The following HMBOX1 variants were observed in gnomAD, a reference collection of about 807,000 sequenced individuals.
HMBOX1 encodes homeobox containing 1.
In HMBOX1, 14 loss-of-function variants were observed where a neutral mutation model predicts 54.5. The ratio of observed to expected loss-of-function variants is 0.26; its 90% CI spans 0.17 to 0.40. HMBOX1 has a LOEUF of 0.40. HMBOX1 is among the 10% of genes least tolerant of loss of function. HMBOX1 has a pLI of 1.00. For synonymous variants in HMBOX1, 160 were observed against 181.0 expected (o/e 0.88, Z 0.93); for missense variants, 332 against 514.4 (o/e 0.65, Z 3.43).
intron 6 of HMBOX1, among the ~76,000 whole-genome samples, chr8:29,038,662 C>T (rs1804317197): frequency 6.6e-6 from 1 of 152,170 alleles, no homozygotes; most frequent in Non-Finnish European, 1.5e-5. Flanking sequence ...CATTCCAAAG[C>T]ATCTCTTGAA....
intron 1 of HMBOX1, among the ~76,000 whole-genome samples, chr8:28,931,740 T>A (rs956463654): frequency 2.6e-5 from 4 of 152,258 alleles, no homozygotes; most frequent in Non-Finnish European, 2.9e-5. Context: ...GGGACCTCCC[T>A]ATGTTGCCCA....
intron 1 of HMBOX1, among the ~76,000 whole-genome samples, chr8:28,927,809 C>A (rs1209779584): frequency 2.0e-4 from 16 of 78,884 alleles, no homozygotes; most frequent in African/African-American, 7.1e-4. Context: ...GTTGCATGGG[C>A]AACAAAAGCG....
At chr8:28,975,425 C>A (rs1371426766) in intron 3 of HMBOX1, among the ~76,000 whole-genome samples, 1 of 152,118 alleles carries the variant, frequency 6.6e-6, no homozygotes, top group African/African-American at 2.4e-5. Context: ...GGGATTCAAC[C>A]AACAGGCATA....
At chr8:29,045,563 A>G in intron 7 of HMBOX1, 120 bp downstream of exon 7, 4 of 754,752 alleles carry the variant, frequency 5.3e-6, no homozygotes, top group South Asian at 1.5e-5. Context: ...AGTCTGTGCC[A>G]TCCTTCCGCA....
chr8:28,952,382 C>T (rs529615272), intron 1 of HMBOX1, among the ~76,000 whole-genome samples: 2 of 151,980 alleles, frequency 1.3e-5, no homozygotes, highest in South Asian at 2.1e-4. Flanking sequence ...TACAGGCCCC[C>T]ACCACCGCTT....
chr8:29,003,801 A>G (rs1467914263), intron 4 of HMBOX1, among the ~76,000 whole-genome samples: 6 of 151,914 alleles, frequency 3.9e-5, no homozygotes, highest in African/African-American at 1.5e-4. Context: ...CGAATTATAG[A>G]GATGATAGCA....
chr8:29,030,273 A>G (rs1048248540), intron 6 of HMBOX1, among the ~76,000 whole-genome samples: 1 of 151,332 alleles, frequency 6.6e-6, no homozygotes, highest in Non-Finnish European at 1.5e-5. Flanking sequence ...GCTGGAGTAC[A>G]ATGGCGTGAT....
At chr8:28,948,400 G>T (rs1219937433) in intron 1 of HMBOX1, among the ~76,000 whole-genome samples, 2 of 152,210 alleles carry the variant, frequency 1.3e-5, no homozygotes, top group Admixed American at 1.3e-4. Context: ...AGGCATAAAA[G>T]AAGTGCCTAT....
intron 1 of HMBOX1, among the ~76,000 whole-genome samples, chr8:28,950,953 G>T (rs909293217): frequency 2.0e-5 from 3 of 152,144 alleles, no homozygotes; most frequent in Non-Finnish European, 4.4e-5. Flanking sequence ...AAATTCTAGA[G>T]GGTATGTGGC....
At chr8:29,047,475 T>A (rs747258987) in intron 8 of HMBOX1, 22 bp downstream of exon 8, 6 of 1,259,102 alleles carry the variant, frequency 4.8e-6, no homozygotes, top group Non-Finnish European at 7.0e-6. Flanking sequence ...GTGAGGCTGC[T>A]TTTCTCTTGT....
intron 6 of HMBOX1, among the ~76,000 whole-genome samples, chr8:29,035,092 A>G (rs867034460): frequency 1.3e-5 from 2 of 152,322 alleles, no homozygotes; most frequent in African/African-American, 2.4e-5. Flanking sequence ...AAAAGAATCT[A>G]TGCTATTCTC....
chr8:29,037,214 C>T (rs1804036585), intron 6 of HMBOX1, among the ~76,000 whole-genome samples: 4 of 152,108 alleles, frequency 2.6e-5, no homozygotes, highest in Admixed American at 2.6e-4. Flanking sequence ...TAAAAATAAG[C>T]TCATCTGTAA....
At chr8:28,998,836 C>T (rs1166308473) in intron 4 of HMBOX1, among the ~76,000 whole-genome samples, 3 of 151,936 alleles carry the variant, frequency 2.0e-5, no homozygotes, top group African/African-American at 7.2e-5. Context: ...CTGGAGATTA[C>T]CATTAACATC....
At chr8:28,915,841 T>C (rs544546789) in intron 1 of HMBOX1, 1 of 152,054 alleles carries the variant, frequency 6.6e-6, no homozygotes, top group Non-Finnish European at 1.5e-5. Context: ...GCTAGAACTA[T>C]AGACATGTGA....
At chr8:28,984,889 A>G (rs1829943980) in intron 4 of HMBOX1, among the ~76,000 whole-genome samples, 1 of 151,850 alleles carries the variant, frequency 6.6e-6, no homozygotes, top group Non-Finnish European at 1.5e-5. Flanking sequence ...AATTGGATGC[A>G]TGTCCTCTGA....
chr8:29,015,354 C>G (rs1432030081), intron 5 of HMBOX1, among the ~76,000 whole-genome samples: 1 of 152,190 alleles, frequency 6.6e-6, no homozygotes, highest in Non-Finnish European at 1.5e-5. Flanking sequence ...GAAGCTCTTT[C>G]TTTCTTTACA....
intron 6 of HMBOX1, among the ~76,000 whole-genome samples, chr8:29,019,985 TC>T (rs2133013613): frequency 6.6e-6 from 1 of 152,354 alleles, no homozygotes; most frequent in Admixed American, 6.5e-5. Flanking sequence ...GATGTTGTCA[TC>T]TATTCCTTTC....
At chr8:28,973,642 G>C (rs894353346) in intron 3 of HMBOX1, among the ~76,000 whole-genome samples, 1 of 151,928 alleles carries the variant, frequency 6.6e-6, no homozygotes, top group Non-Finnish European at 1.5e-5. Context: ...TGGTGGGGGA[G>C]CCTGGGTATC....
chr8:29,051,554 C>CTGAT lies in HMBOX1; in HGVS notation c.*400_*403dup. 1.4e-6 allele frequency: 1 copy of CTGAT among 702,938 alleles called. No individual in the cohort carries two copies. Among genetic ancestry groups the CTGAT allele is most frequent in the Non-Finnish European group, 2.6e-6 (1 of 384,988 alleles). The allele number at this position is 702,938 out of a possible 1,614,324, so 43.5% of individuals were successfully genotyped here. A position where few individuals can be genotyped will look rare whatever the true frequency, so the allele number is the denominator to read the frequency against. ...TGTACTCCCTTTTCCTTCCCCAAGA[C>CTGAT]TGATAGGATGCAAGCTGAGGTCGTG... On this transcript the variant is annotated 3_prime_UTR_variant, in exon 10 of 10. Coordinates refer to ENST00000287701, the MANE Select transcript of HMBOX1 (RefSeq NM_001135726.3).
Sources: gnomAD v4.1 joint callset for allele counts (sites outside exome capture counted in the v4.1 genomes callset) on GRCh38, gnomAD v4.1.1 for gene constraint, MANE v1.5 for transcripts, NCBI Gene and HGNC (gene_info 2026-07-23, HGNC 2026-07-21) for gene names.